The following PEG3 variants were observed in gnomAD, a reference collection of about 807,000 sequenced individuals.
PEG3 encodes paternally expressed 3.
A neutral mutation model predicts 35.5 loss-of-function variants in PEG3; 23 were observed. The observed-to-expected ratio is 0.65, with a 90% confidence interval of 0.47 to 0.92. The LOEUF is 0.92. PEG3 is among the 40% of genes least tolerant of loss of function. PEG3 has a pLI of 0.00. For synonymous variants in PEG3, 707 were observed against 697.0 expected (o/e 1.01, Z -0.23); for missense variants, 1,960 against 1,985.3 (o/e 0.99, Z 0.24).
intron 4 of PEG3, 31 bp downstream of exon 4, chr19:56,824,231 C>G: frequency 6.2e-7 from 1 of 1,605,192 alleles, no homozygotes; most frequent in East Asian, 2.2e-5. Context: ...GAGGCCTGCA[C>G]TGACCACCAA....
At chr19:56,831,946 C>T (rs1245672698) in intron 2 of PEG3, among the ~76,000 whole-genome samples, 2 of 152,090 alleles carry the variant, frequency 1.3e-5, no homozygotes, top group African/African-American at 2.4e-5. Context: ...AGATGGAGAC[C>T]TTGAGTGTGA....
chr19:56,823,384 C>T (rs564240019), intron 5 of PEG3, among the ~76,000 whole-genome samples: 20 of 152,252 alleles, frequency 1.3e-4, no homozygotes, highest in African/African-American at 3.4e-4. Context: ...TTGAATAAAA[C>T]GGTATTAAGT....
At chr19:56,837,590 C>T (rs1246435659) in intron 1 of PEG3, among the ~76,000 whole-genome samples, 1 of 152,244 alleles carries the variant, frequency 6.6e-6, no homozygotes, top group African/African-American at 2.4e-5. Flanking sequence ...AAGTAAGGCG[C>T]CACCAGCCAT....
chr19:56,820,197 G>A (rs1193775077), intron 7 of PEG3, among the ~76,000 whole-genome samples: 1 of 152,178 alleles, frequency 6.6e-6, no homozygotes, highest in Non-Finnish European at 1.5e-5. Context: ...ATGCTAGTAT[G>A]GCTCAATGTA....
Position 56,818,708 on chromosome 19 carries a change from A to G in PEG3, c.670-6T>C, listed in dbSNP as rs754053133. 1.2e-6 allele frequency: 2 copies of G among 1,613,992 alleles called. No homozygotes were observed. Among genetic ancestry groups the G allele is most frequent in the Non-Finnish European group, 1.7e-6 (2 of 1,179,996 alleles). Reference sequence around the variant, plus strand: ...TTTTGGTATGATTCAGCATCCTAAAACAGCAAACACAGACCTCTCAATGGA... The same window carrying G: ...TTTTGGTATGATTCAGCATCCTAAAGCAGCAAACACAGACCTCTCAATGGA... On this transcript the variant is annotated splice_polypyrimidine_tract_variant and splice_region_variant and intron_variant, in intron 7 of 9. Transcript: ENST00000326441.
chr19:56,824,981 G>A (rs1464064206), intron 3 of PEG3: 1 of 259,338 alleles, frequency 3.9e-6, no homozygotes, highest in Non-Finnish European at 7.4e-6. Context: ...TGGGACTGTG[G>A]GCAACTTGTC....
rs2048058770 is a variant in PEG3 at position 56,810,518 on chromosome 19, G to A, written c.*3157C>T. ...ACAGTTAATTGTTGTTGGGTGTTGG[G>A]AATATGTGTGAATTTTCTTTACTGA... On this transcript the variant is annotated 3_prime_UTR_variant, in exon 10 of 10. Coordinates refer to ENST00000326441, the MANE Select transcript of PEG3 (RefSeq NM_006210.3). 1 of 983,798 alleles carries A rather than the reference G, an allele frequency of 1.0e-6. No individual in the cohort carries two copies. Among genetic ancestry groups the A allele is most frequent in the Non-Finnish European group, 1.2e-6 (1 of 828,614 alleles). 60.9% of individuals were successfully genotyped at this position (983,798 alleles called of 1,614,324 possible).
In PEG3 at chr19:56,814,755, C is replaced by T. The variant is rs766154554; in HGVS notation, c.3687G>A (p.Leu1229=). 4.3e-6 allele frequency: 7 copies of T among 1,614,164 alleles called. No homozygotes were observed. Among genetic ancestry groups the T allele is most frequent in the Non-Finnish European group, 5.9e-6 (7 of 1,180,040 alleles). The change falls in exon 10 of 10, where the codon TTG becomes TTA. Residue 1229 remains leucine (L), a synonymous_variant. Coordinates refer to ENST00000326441, the MANE Select transcript of PEG3 (RefSeq NM_006210.3). The surrounding 1 kb of genome is among the most constrained non-coding windows in gnomAD (Gnocchi z 5.8). Reference sequence around the variant, plus strand: ...AGCTATGAATGAAGCCTTGTCCACACAAAAGGCATCGAATGGCCGACCCAG... The same window carrying T: ...AGCTATGAATGAAGCCTTGTCCACATAAAAGGCATCGAATGGCCGACCCAG... The part of the protein sequence containing the change: ...ALAGSAIRCL[L]CGQGFIHSSA...
At chr19:56,830,161 C>G (rs1479629228) in intron 2 of PEG3, among the ~76,000 whole-genome samples, 1 of 152,192 alleles carries the variant, frequency 6.6e-6, no homozygotes, top group Non-Finnish European at 1.5e-5. Flanking sequence ...TGGGCAAAGA[C>G]TCTGTTACCT....
At chr19:56,839,247 A>C (rs998373135) in intron 1 of PEG3, among the ~76,000 whole-genome samples, 5 of 146,090 alleles carry the variant, frequency 3.4e-5, no homozygotes, top group Admixed American at 6.9e-5. Context: ...TGCGCAGCAA[A>C]CTCCAGCAGC....
intron 7 of PEG3, 93 bp downstream of exon 7, chr19:56,821,557 AG>A (rs1315929565): frequency 1.4e-6 from 2 of 1,474,654 alleles, no homozygotes; most frequent in Non-Finnish European, 1.9e-6. Context: ...GCTGGACTCT[AG>A]GGGGCAGATA....
chr19:56,829,619 T>C (rs1199482532), intron 2 of PEG3, among the ~76,000 whole-genome samples: 1 of 152,234 alleles, frequency 6.6e-6, no homozygotes, highest in East Asian at 1.9e-4. Context: ...CCTGCAGGGC[T>C]ACCTGACACA....
chr19:56,823,500 A>G, intron 5 of PEG3, 93 bp downstream of exon 5: 3 of 1,492,780 alleles, frequency 2.0e-6, no homozygotes, highest in Non-Finnish European at 2.8e-6. Context: ...ATGGCGGGTC[A>G]TCTTCATGGA....
chr19:56,820,249 T>C (rs1379542904), intron 7 of PEG3, among the ~76,000 whole-genome samples: 1 of 152,192 alleles, frequency 6.6e-6, no homozygotes, highest in Non-Finnish European at 1.5e-5. Flanking sequence ...ATTAAGAAAT[T>C]TACACATGAA....
chr19:56,822,764 T>C lies in PEG3; in HGVS notation c.554A>G (p.Asn185Ser). The C allele has an allele frequency of 1.2e-6, 2 of 1,614,112 alleles. No individual in the cohort carries two copies. The highest frequency in any genetic ancestry group is 1.7e-6 in the Non-Finnish European group (2 of 1,180,008). The change falls in exon 6 of 10, where the codon AAC (asparagine) becomes AGC (serine). Residue 185 changes from asparagine to serine, a missense_variant. Asn to Ser is a conservative substitution (Grantham distance 46, BLOSUM62 1). This residue lies in a region of PEG3 where 613 missense variants were observed against 577.1 expected (regional missense o/e 1.06). Coordinates refer to ENST00000326441, the MANE Select transcript of PEG3 (RefSeq NM_006210.3). ...TGGTTAAGACTCACTGCTTCTTGGG[T>C]TCCTGGTGTGGGACCAGCGGTCTCG... ...EPRDRWSHTR[N>S]PRSRMPPRDL...
chr19:56,813,845 A>T lies in PEG3; in HGVS notation c.4597T>A (p.Phe1533Ile). The change falls in exon 10 of 10, where the codon TTT (phenylalanine) becomes ATT (isoleucine). Residue 1533 changes from phenylalanine to isoleucine, a missense_variant. Phe to Ile is a conservative substitution (Grantham distance 21, BLOSUM62 0). Coordinates refer to ENST00000326441, the MANE Select transcript of PEG3 (RefSeq NM_006210.3). ...HLKTHASMII[F>I]EPANAFGECS... ...TCCCCAAAGGCATTTGCAGGCTCAA[A>T]TATGATCATGCTGGCATGAGTTTTC... 1 of 1,614,178 alleles carries T rather than the reference A, an allele frequency of 6.2e-7. No individual in the cohort carries two copies. The highest frequency in any genetic ancestry group is 1.7e-5 in the Admixed American group (1 of 60,030).
chr19:56,819,979 C>A (rs75747709), intron 7 of PEG3, among the ~76,000 whole-genome samples: 1,648 of 152,204 alleles, frequency 0.011, 34 homozygotes, highest in African/African-American at 0.038. Context: ...ACAACAAAAA[C>A]TAAGTAGGGC....
At chr19:56,820,501 C>A (rs138789275) in intron 7 of PEG3, among the ~76,000 whole-genome samples, 38 of 152,302 alleles carry the variant, frequency 2.5e-4, no homozygotes, top group Non-Finnish European at 4.6e-4. Flanking sequence ...ATGCCTCCAG[C>A]CTTCTTCCTA....
At position 56,827,870 on chromosome 19, in the gene PEG3, T is replaced by C. The variant is rs796571421; in HGVS notation, c.-162-1407A>G. The stretch of plus-strand genomic sequence containing the variant: ...CTAAAAAAAGATGTGCTTAGACAGA[T>C]GATTTCTAGAAGGATATATAAGAGA... On this transcript the variant is annotated intron_variant, in intron 2 of 9. Coordinates refer to ENST00000326441, the MANE Select transcript of PEG3 (RefSeq NM_006210.3). 1.3e-4 allele frequency among the ~76,000 whole-genome samples: 20 copies of C among 152,332 alleles called. 1 individual carries two copies. Among genetic ancestry groups the C allele is most frequent in the African/African-American group, 4.1e-4 (17 of 41,576 alleles).
Sources: gnomAD v4.1 joint callset for allele counts (sites outside exome capture counted in the v4.1 genomes callset) on GRCh38, gnomAD v4.1.1 for gene constraint, gnomAD v4.1.1 regional missense constraint, Gnocchi (gnomAD v3.1) non-coding constraint, MANE v1.5 for transcripts, NCBI Gene and HGNC (gene_info 2026-07-23, HGNC 2026-07-21) for gene names.